Variants in USP7 observed in about 807,000 individuals in gnomAD.
USP7 encodes the protein ubiquitin C-terminal hydrolase 7.
A neutral mutation model predicts 162.9 loss-of-function variants in USP7; 9 were observed. The observed-to-expected ratio is 0.06, with a 90% CI of 0.03 to 0.10. The LOEUF (loss-of-function observed/expected upper bound fraction) is 0.10. USP7 is among the 10% of genes least tolerant of loss of function. USP7 has a pLI of 1.00. For synonymous variants in USP7, 562 were observed against 475.9 expected (o/e 1.18, Z -2.35); for missense variants, 715 against 1,373.7 (o/e 0.52, Z 7.58).
intron 3 of USP7, among the ~76,000 whole-genome samples, chr16:8,922,249 C>A (rs943050507): frequency 6.6e-6 from 1 of 152,176 alleles, no homozygotes; most frequent in African/African-American, 2.4e-5. Context: ...AGCACTTTGG[C>A]AGGCCGAGAC....
At chr16:8,958,299 G>T (rs1209421919) in intron 1 of USP7, among the ~76,000 whole-genome samples, 2 of 152,178 alleles carry the variant, frequency 1.3e-5, no homozygotes, top group African/African-American at 4.8e-5. Context: ...CACTTTCCTG[G>T]GGTATCTGTC....
intron 1 of USP7, among the ~76,000 whole-genome samples, chr16:8,941,464 T>C (rs1840614474): frequency 6.6e-6 from 1 of 152,140 alleles, no homozygotes; most frequent in Non-Finnish European, 1.5e-5. Flanking sequence ...AAGGCACGTA[T>C]CTCCAGCCGC....
chr16:8,893,504 C>T lies in USP7; in HGVS notation c.*494G>A, dbSNP rs929140827. 4 of 157,490 alleles carry T rather than the reference C, an allele frequency of 2.5e-5. No homozygotes were observed. The highest frequency in any genetic ancestry group is 7.2e-5 in the African/African-American group (3 of 41,486). The allele number at this position is 157,490 out of a possible 1,614,324, so 9.8% of individuals were successfully genotyped here. A position where few individuals can be genotyped will look rare whatever the true frequency, so the allele number is the denominator to read the frequency against. On this transcript the variant is annotated 3_prime_UTR_variant, in exon 31 of 31. Transcript: ENST00000344836. ...ACAATGCACACAATGAAGGGAAGAG[C>T]GCTATTTATTAGGTTGTGAGTTTCT... is the stretch of plus-strand genomic sequence containing the variant.
chr16:8,923,807 G>A (rs1743024179), intron 2 of USP7, among the ~76,000 whole-genome samples: 2 of 152,180 alleles, frequency 1.3e-5, no homozygotes, highest in African/African-American at 2.4e-5. Flanking sequence ...TAAAGACCAC[G>A]ACATGGGACT....
At chr16:8,956,149 C>T (rs966688288) in intron 1 of USP7, among the ~76,000 whole-genome samples, 5 of 152,146 alleles carry the variant, frequency 3.3e-5, no homozygotes, top group Admixed American at 6.5e-5. Context: ...TGTCAGGAAA[C>T]CTTAGTTACT....
chr16:8,961,004 G>A (rs1370408399), intron 1 of USP7, among the ~76,000 whole-genome samples: 2 of 152,194 alleles, frequency 1.3e-5, no homozygotes, highest in African/African-American at 4.8e-5. Context: ...TAAGGAATCA[G>A]CATTAGTAAC....
intron 15 of USP7, 77 bp from the exon 16 acceptor site, chr16:8,903,479 C>T: frequency 1.4e-6 from 2 of 1,456,550 alleles, no homozygotes. Flanking sequence ...CATTTAAACA[C>T]TAAAACGCTG....
At chr16:8,904,634 A>G in intron 14 of USP7, 69 bp from the exon 15 acceptor site, 1 of 1,576,358 alleles carries the variant, frequency 6.3e-7, no homozygotes, top group Non-Finnish European at 8.6e-7. Context: ...TCCCGATTCT[A>G]GGTCATCATT....
At chr16:8,942,814 T>C (rs1471876544) in intron 1 of USP7, among the ~76,000 whole-genome samples, 8 of 152,174 alleles carry the variant, frequency 5.3e-5, no homozygotes, top group Admixed American at 3.9e-4. Flanking sequence ...TCCAAAAGTG[T>C]TGGGGTTACA....
At chr16:8,946,528 C>G (rs1047019633) in intron 1 of USP7, among the ~76,000 whole-genome samples, 1 of 152,194 alleles carries the variant, frequency 6.6e-6, no homozygotes, top group African/African-American at 2.4e-5. Context: ...ATCTGCAAAT[C>G]GCGTATCTTA....
intron 10 of USP7, among the ~76,000 whole-genome samples, chr16:8,914,285 G>C (rs1358555038): frequency 1.3e-5 from 2 of 151,970 alleles, no homozygotes; most frequent in South Asian, 2.1e-4. Context: ...GACAGCTCCA[G>C]TGTGGGTGTG....
At chr16:8,955,033 GATGA>G (rs1899728419) in intron 1 of USP7, among the ~76,000 whole-genome samples, 2 of 152,226 alleles carry the variant, frequency 1.3e-5, no homozygotes. Context: ...GCTACCACGA[GATGA>G]ATGACAGTGG....
In USP7 at chr16:8,895,052, C is replaced by T. The variant is rs374207629; in HGVS notation, c.3018G>A (p.Pro1006=). ...ATACCTGGTGTATCCTCAGCAAAAA[C>T]GGGATTCCGAACGTTCCGAAGACCT... ...HKEVFGTFGI[P]FLLRIHQGEH... Residue 1006 remains proline (P), a synonymous_variant, in exon 28 of 31, where the codon CCG becomes CCA. Transcript: ENST00000344836. 16 of 1,614,132 alleles carry T rather than the reference C, an allele frequency of 9.9e-6. No individual in the cohort carries two copies. Among genetic ancestry groups the T allele is most frequent in the Non-Finnish European group, 1.2e-5 (14 of 1,180,050 alleles).
chr16:8,943,944 T>G (rs1899165033), intron 1 of USP7, among the ~76,000 whole-genome samples: 2 of 152,204 alleles, frequency 1.3e-5, no homozygotes, highest in Non-Finnish European at 2.9e-5. Context: ...GTATTGCTTA[T>G]TCTACAATAA....
chr16:8,959,605 G>C (rs1899931307), intron 1 of USP7, among the ~76,000 whole-genome samples: 3 of 152,128 alleles, frequency 2.0e-5, no homozygotes, highest in African/African-American at 7.2e-5. Context: ...AATTATCTTA[G>C]CAACAGAAGC....
At chr16:8,942,256 TGGGACAC>T (rs1021532591) in intron 1 of USP7, among the ~76,000 whole-genome samples, 1 of 152,240 alleles carries the variant, frequency 6.6e-6, no homozygotes, top group African/African-American at 2.4e-5. Context: ...TGGGAGGTAC[TGGGACAC>T]TCGGAGTGAC....
At chr16:8,954,832 C>T (rs1224565490) in intron 1 of USP7, among the ~76,000 whole-genome samples, 2 of 152,046 alleles carry the variant, frequency 1.3e-5, no homozygotes, top group Non-Finnish European at 2.9e-5. Context: ...CGGTGAGGGG[C>T]GCCTGTAGTC....
chr16:8,901,242 G>A lies in USP7; in HGVS notation c.2048-8C>T. 6.3e-7 allele frequency: 1 copy of A among 1,595,870 alleles called. No individual in the cohort carries two copies. The highest frequency in any genetic ancestry group is 8.6e-7 in the Non-Finnish European group (1 of 1,165,286). ...AAAATAACATTACATCATCTACAAG[G>A]TTAATAAACAAGTTTTGTTAAGATC... On this transcript the variant is annotated splice_region_variant and splice_polypyrimidine_tract_variant and intron_variant, in intron 18 of 30. Coordinates refer to ENST00000344836, the MANE Select transcript of USP7 (RefSeq NM_003470.3).
intron 10 of USP7, among the ~76,000 whole-genome samples, chr16:8,912,499 A>G (rs535955967): frequency 6.6e-5 from 10 of 152,260 alleles, no homozygotes; most frequent in Admixed American, 3.3e-4. Flanking sequence ...CAAGCATGCA[A>G]AGAAGCTGAA....
Sources: allele counts gnomAD v4.1 joint callset (sites outside exome capture counted in the v4.1 genomes callset), GRCh38; gene constraint gnomAD v4.1.1; transcripts MANE v1.5; gene names NCBI Gene and HGNC (gene_info 2026-07-23, HGNC 2026-07-21).